The following DCAF8L2 variants were observed in gnomAD, a reference collection of about 807,000 sequenced individuals.
DCAF8L2 encodes DDB1 and CUL4 associated factor 8 like 2, also known as DDB1- and CUL4-associated factor 8-like protein 2.
For synonymous variants in DCAF8L2, 200 were observed against 190.9 expected (o/e 1.05, Z -0.39); for missense variants, 430 against 490.7 (o/e 0.88, Z 1.17).
chrX:27,611,879 T>G (rs912324003), intron 1 of DCAF8L2, among the ~76,000 whole-genome samples: 1 of 111,453 alleles, frequency 9.0e-6, no homozygotes, highest in Non-Finnish European at 1.9e-5. Context: ...GTCTTTGCTA[T>G]TGTGAATAGT....
the DCAF8L2 span, among the ~76,000 whole-genome samples, chrX:27,530,282 A>G: frequency 9.1e-6 from 1 of 110,023 alleles, no homozygotes; most frequent in Non-Finnish European, 1.9e-5. Context: ...AATGTACAGA[A>G]GTCCCTTGCA....
Position 27,749,204 on chromosome X carries a change from A to AT in DCAF8L2, c.*419dup, listed in dbSNP as rs1387279135. On this transcript the variant is annotated 3_prime_UTR_variant, in exon 5 of 5. Transcript: ENST00000451261. ...TTTTTACTTTTTTTCATCTTTAACA[A>AT]TTTTTTCTGAAGATCGAGTTCCTCA... Among the ~76,000 whole-genome samples the AT allele has an allele frequency of 9.0e-6, 1 of 111,459 alleles. No individual in the cohort carries two copies. Among genetic ancestry groups the AT allele is most frequent in the East Asian group, 2.8e-4 (1 of 3,539 alleles).
At chrX:27,669,072 A>C (rs1265542496) in intron 2 of DCAF8L2, among the ~76,000 whole-genome samples, 3 of 111,810 alleles carry the variant, frequency 2.7e-5, no homozygotes, top group Non-Finnish European at 3.8e-5. Context: ...ATGTGAGCAT[A>C]ACACAGAATA....
the DCAF8L2 span, among the ~76,000 whole-genome samples, chrX:27,573,243 C>CTCTT: frequency 1.1e-5 from 1 of 94,095 alleles, no homozygotes; most frequent in African/African-American, 4.1e-5. Context: ...ATCTCTCTCT[C>CTCTT]TCTCTCTCTC....
At chrX:27,688,202 G>C (rs1197573613) in intron 3 of DCAF8L2, among the ~76,000 whole-genome samples, 1 of 111,900 alleles carries the variant, frequency 8.9e-6, no homozygotes, top group African/African-American at 3.2e-5. Flanking sequence ...ATGGGCTCAT[G>C]ATGATGAAGT....
chrX:27,717,982 C>A (rs1931759665), intron 4 of DCAF8L2, among the ~76,000 whole-genome samples: 1 of 111,750 alleles, frequency 8.9e-6, no homozygotes, highest in Non-Finnish European at 1.9e-5. Context: ...ATAAAATATT[C>A]TATTTTACTA....
the DCAF8L2 span, among the ~76,000 whole-genome samples, chrX:27,565,813 T>G: frequency 7.3e-5 from 8 of 110,221 alleles, no homozygotes; most frequent in Non-Finnish European, 1.3e-4. Context: ...CTGAGAGAGA[T>G]GCCATTTCAG....
At chrX:27,485,117 G>T in the DCAF8L2 span, among the ~76,000 whole-genome samples, 1 of 111,771 alleles carries the variant, frequency 8.9e-6, no homozygotes, top group African/African-American at 3.2e-5. Context: ...AGGCTTTTAT[G>T]ATATAGTATA....
chrX:27,662,438 T>C (rs747233348), intron 2 of DCAF8L2, among the ~76,000 whole-genome samples: 4 of 111,823 alleles, frequency 3.6e-5, no homozygotes, highest in Non-Finnish European at 7.5e-5. Context: ...TCTAGACACA[T>C]CCATACACAC....
At chrX:27,702,314 G>GA (rs76716850) in intron 3 of DCAF8L2, among the ~76,000 whole-genome samples, 8 of 103,146 alleles carry the variant, frequency 7.8e-5, no homozygotes, top group Admixed American at 3.2e-4. Flanking sequence ...CAAATTCTTT[G>GA]AAAAAAAAAA....
At chrX:27,497,347 AGT>A in the DCAF8L2 span, among the ~76,000 whole-genome samples, 1 of 111,283 alleles carries the variant, frequency 9.0e-6, no homozygotes, top group Non-Finnish European at 1.9e-5. Context: ...ATCATTCCTA[AGT>A]GTGTTAGTTG....
intron 1 of DCAF8L2, among the ~76,000 whole-genome samples, chrX:27,624,908 C>G (rs377455462): frequency 2.7e-5 from 3 of 111,630 alleles, no homozygotes; most frequent in African/African-American, 9.8e-5. Context: ...TGGAATATAA[C>G]CTAGGAAATA....
chrX:27,616,040 T>A (rs1927460222), intron 1 of DCAF8L2, among the ~76,000 whole-genome samples: 1 of 111,113 alleles, frequency 9.0e-6, no homozygotes, highest in Non-Finnish European at 1.9e-5. Flanking sequence ...TCAGCCAGAA[T>A]ATTTTGTGAA....
At chrX:27,604,307 T>G (rs1224164790) in intron 1 of DCAF8L2, among the ~76,000 whole-genome samples, 1 of 111,069 alleles carries the variant, frequency 9.0e-6, no homozygotes, top group Admixed American at 9.7e-5. Context: ...TGAAATTCAA[T>G]GCACAATAAT....
chrX:27,610,946 C>T (rs984402238), intron 1 of DCAF8L2, among the ~76,000 whole-genome samples: 4 of 112,299 alleles, frequency 3.6e-5, no homozygotes, highest in African/African-American at 1.3e-4. Flanking sequence ...AAAAGGTGTT[C>T]TTTCTTTTTT....
In DCAF8L2 at chrX:27,748,440, A is replaced by G; in HGVS notation, c.1545A>G (p.Thr515=). 1 of 1,207,453 alleles carries G rather than the reference A, an allele frequency of 8.3e-7. No homozygotes were observed. Among genetic ancestry groups the G allele is most frequent in the Non-Finnish European group, 1.1e-6 (1 of 892,972 alleles). ...TCCTAAAGGGGAGCAGAGAAGGTAC[A>G]ATAAACTGTCTTGAACCCCACCCTT... The part of the protein sequence containing the change: ...IQFLKGSREG[T]INCLEPHPYL... Residue 515 remains threonine (T), a synonymous_variant, in exon 5 of 5, where the codon ACA becomes ACG. Coordinates refer to ENST00000451261, the MANE Select transcript of DCAF8L2 (RefSeq NM_001353450.2).
intron 1 of DCAF8L2, among the ~76,000 whole-genome samples, chrX:27,604,575 T>C (rs1342342213): frequency 8.9e-6 from 1 of 111,746 alleles, no homozygotes; most frequent in Admixed American, 9.6e-5. Flanking sequence ...ATCTTATGAA[T>C]GAATGAATGA....
At chrX:27,497,608 G>A in the DCAF8L2 span, among the ~76,000 whole-genome samples, 1 of 100,786 alleles carries the variant, frequency 9.9e-6, no homozygotes, top group Non-Finnish European at 2.0e-5. Context: ...TCACTCTGTC[G>A]CCCAGGCTGG....
rs769284626 is a variant in DCAF8L2, at chrX:27,603,368, G to A, written c.-342+12928G>A. On this transcript the variant is annotated intron_variant, in intron 1 of 4. Coordinates refer to ENST00000451261, the MANE Select transcript of DCAF8L2 (RefSeq NM_001353450.2). ...ACACTATATTTTTGGCCTACAAAAC[G>A]GCTTAAGAATTTTAAGTGCCCGGGG... Among the ~76,000 whole-genome samples the A allele has an allele frequency of 1.2e-4, 13 of 111,263 alleles. No homozygotes were observed. The South Asian group carries it at 3.7e-3, about 32-fold the overall frequency.
Sources: allele counts gnomAD v4.1 joint callset (sites outside exome capture counted in the v4.1 genomes callset), GRCh38; gene constraint gnomAD v4.1.1; transcripts MANE v1.5; gene names NCBI Gene and HGNC (gene_info 2026-07-23, HGNC 2026-07-21).